Variants in CHST9 observed in about 807,000 individuals in gnomAD.
CHST9 encodes the protein GalNAc-4-sulfotransferase 2.
Under a neutral mutation model 44.4 loss-of-function variants are expected in CHST9, and 41 were observed. That is an observed-to-expected ratio of 0.92 (90% CI 0.72 to 1.20). CHST9 has a LOEUF of 1.20. Ranked by LOEUF, CHST9 falls within the 50% of genes most tolerant of loss-of-function variation. CHST9 has a pLI of 0.00. For missense variants in CHST9, 504 were observed against 516.5 expected, an observed-to-expected ratio of 0.98 and a Z score of 0.23; for synonymous variants, 171 against 178.4, an observed-to-expected ratio of 0.96 and a Z score of 0.33.
At chr18:27,096,955 C>T (rs971984347) in intron 2 of CHST9, among the ~76,000 whole-genome samples, 1 of 151,982 alleles carries the variant, frequency 6.6e-6, no homozygotes, top group African/African-American at 2.4e-5. Context: ...ATACTGAAAC[C>T]TGGCAAAGAA....
intron 2 of CHST9, among the ~76,000 whole-genome samples, chr18:27,088,389 C>CT (rs35189657): frequency 0.027 from 3,658 of 137,432 alleles, 56 homozygotes; most frequent in East Asian, 0.036. Context: ...ATTATTAACA[C>CT]TTTTTTTTTT....
In CHST9 at chr18:26,965,381, C is replaced by T. The variant is rs552217584; in HGVS notation, c.203-21015G>A. On this transcript the variant is annotated intron_variant, in intron 4 of 5. Coordinates refer to ENST00000618847, the MANE Select transcript of CHST9 (RefSeq NM_031422.6). The stretch of plus-strand genomic sequence containing the variant: ...CTATGTGAAGATTTGTGTATGAGAA[C>T]CTCAGTGAACTGACAACACATTACT... 2.0e-5 allele frequency among the ~76,000 whole-genome samples: 3 copies of T among 152,264 alleles called. No individual in the cohort carries two copies. In the South Asian group the frequency reaches 6.2e-4, roughly 32 times the overall value.
chr18:27,127,163 G>A (rs866740343), intron 2 of CHST9, among the ~76,000 whole-genome samples: 1 of 152,174 alleles, frequency 6.6e-6, no homozygotes, highest in Non-Finnish European at 1.5e-5. Context: ...ACAGAGACTT[G>A]CAAGGGATCA....
chr18:27,175,635 T>A (rs1490840034), intron 1 of CHST9, among the ~76,000 whole-genome samples: 1 of 152,064 alleles, frequency 6.6e-6, no homozygotes, highest in Non-Finnish European at 1.5e-5. Flanking sequence ...GTGTATTTTT[T>A]ATTAGAATGT....
chr18:27,018,899 A>T (rs181038254), intron 4 of CHST9, among the ~76,000 whole-genome samples: 1 of 152,178 alleles, frequency 6.6e-6, no homozygotes, highest in Admixed American at 6.5e-5. Flanking sequence ...GGCCCTCTTT[A>T]CCCTCTAACC....
intron 5 of CHST9, among the ~76,000 whole-genome samples, chr18:26,923,761 A>G (rs2055707261): frequency 6.6e-6 from 1 of 152,256 alleles, no homozygotes; most frequent in Admixed American, 6.5e-5. Flanking sequence ...TTTATGAAAA[A>G]ATGTGACAAT....
At chr18:27,065,644 A>G (rs1251663091) in intron 2 of CHST9, among the ~76,000 whole-genome samples, 1 of 148,254 alleles carries the variant, frequency 6.7e-6, no homozygotes, top group Non-Finnish European at 1.5e-5. Flanking sequence ...AGTAAGGGAG[A>G]AACGATATAA....
chr18:26,917,433 T>C, intron 5 of CHST9, 83 bp from the exon 6 acceptor site: 2 of 1,435,822 alleles, frequency 1.4e-6, no homozygotes, highest in South Asian at 2.7e-5. Flanking sequence ...ATATTTGTTT[T>C]AAAATAGTAT....
At chr18:27,169,598 CTTTT>C (rs1156859087) in intron 1 of CHST9, among the ~76,000 whole-genome samples, 8 of 82,186 alleles carry the variant, frequency 9.7e-5, no homozygotes, top group African/African-American at 4.0e-4. Flanking sequence ...ATATATTCTT[CTTTT>C]TTTTTTTTTT....
At chr18:26,974,214 C>T (rs528523194) in intron 4 of CHST9, among the ~76,000 whole-genome samples, 1 of 152,256 alleles carries the variant, frequency 6.6e-6, no homozygotes, top group East Asian at 1.9e-4. Flanking sequence ...AAATAAGGGA[C>T]TAATAAGATG....
chr18:27,038,729 T>A (rs2057415279), intron 3 of CHST9, among the ~76,000 whole-genome samples: 1 of 152,162 alleles, frequency 6.6e-6, no homozygotes, highest in Admixed American at 6.6e-5. Context: ...TAACCATAAC[T>A]TTATTGTTTC....
intron 4 of CHST9, among the ~76,000 whole-genome samples, chr18:26,973,853 G>A (rs1375770545): frequency 1.3e-5 from 2 of 152,136 alleles, no homozygotes; most frequent in Admixed American, 1.3e-4. Context: ...CGGGCTCAAG[G>A]AATATTTTAT....
At chr18:27,049,926 A>G (rs1472364748) in intron 2 of CHST9, among the ~76,000 whole-genome samples, 1 of 152,170 alleles carries the variant, frequency 6.6e-6, no homozygotes, top group African/African-American at 2.4e-5. Context: ...TTGTTTTGTG[A>G]TGTAGGCCCA....
chr18:26,973,693 C>G (rs1271461331), intron 4 of CHST9, among the ~76,000 whole-genome samples: 2 of 152,210 alleles, frequency 1.3e-5, no homozygotes, highest in African/African-American at 2.4e-5. Flanking sequence ...AGACTGGACA[C>G]CCCTTTAAAT....
chr18:26,997,699 C>T (rs1486432450), intron 4 of CHST9, among the ~76,000 whole-genome samples: 1 of 152,188 alleles, frequency 6.6e-6, no homozygotes, highest in Non-Finnish European at 1.5e-5. Context: ...AAATTAATCT[C>T]CAACTGCGAA....
At chr18:27,112,757 A>T (rs2058283748) in intron 2 of CHST9, among the ~76,000 whole-genome samples, 1 of 152,092 alleles carries the variant, frequency 6.6e-6, no homozygotes, top group Non-Finnish European at 1.5e-5. Context: ...AAGCAAAAAA[A>T]ATAAAAATAA....
chr18:27,014,294 T>C (rs16943184), intron 4 of CHST9, among the ~76,000 whole-genome samples: 19,221 of 150,832 alleles, frequency 0.13, 1,347 homozygotes, highest in East Asian at 0.26. Flanking sequence ...CCTCAGGAGG[T>C]ATGAAAAAAT....
intron 4 of CHST9, among the ~76,000 whole-genome samples, chr18:26,961,595 A>AT (rs1483647059): frequency 1.3e-5 from 2 of 152,116 alleles, no homozygotes; most frequent in East Asian, 1.9e-4. Flanking sequence ...CACCCAGTTA[A>AT]TTTTTTTAAT....
At chr18:27,089,113 T>A (rs1449749116) in intron 2 of CHST9, among the ~76,000 whole-genome samples, 1 of 152,088 alleles carries the variant, frequency 6.6e-6, no homozygotes, top group Non-Finnish European at 1.5e-5. Context: ...TGAAGCTCTA[T>A]TTTCTTCCTC....
Sources: allele counts gnomAD v4.1 joint callset (sites outside exome capture counted in the v4.1 genomes callset), GRCh38; gene constraint gnomAD v4.1.1; transcripts MANE v1.5; gene names NCBI Gene and HGNC (gene_info 2026-07-23, HGNC 2026-07-21).